ONECUT3: variants seen among roughly 807,000 people sequenced by gnomAD.
The protein encoded by ONECUT3 is one cut homeobox 3, also known as one cut domain family member 3.
Under a neutral mutation model 16.8 loss-of-function variants are expected in ONECUT3, and 11 were observed. The ratio of observed to expected loss-of-function variants is 0.66; its 90% CI spans 0.41 to 1.09. The LOEUF is 1.09. Among genes scored for constraint, ONECUT3 ranks in the 50% least tolerant of loss-of-function variants. ONECUT3 has a pLI of 0.00. For missense variants in ONECUT3, 637 were observed against 629.9 expected (o/e 1.01, Z -0.12); for synonymous variants, 344 against 310.7 (o/e 1.11, Z -1.13).
At chr19:1,769,657 A>AG (rs2068035551) in intron 1 of ONECUT3, among the ~76,000 whole-genome samples, 1 of 151,358 alleles carries the variant, frequency 6.6e-6, no homozygotes. Flanking sequence ...GGATGCACAG[A>AG]GGGGGCATCC....
intron 1 of ONECUT3, among the ~76,000 whole-genome samples, 187 bp from the exon 2 acceptor site, chr19:1,774,966 C>G (rs1202296534): frequency 6.6e-6 from 1 of 152,132 alleles, no homozygotes; most frequent in African/African-American, 2.4e-5. Flanking sequence ...TCTCCCCCTC[C>G]GCCTCTCCCT....
Position 1,775,386 on chromosome 19 carries a change from G to A in ONECUT3, c.1426G>A (p.Glu476Lys). ...RRRCMNRWAE[E>K]PSTAPGGPAG... ...CCGCTGCATGAACCGCTGGGCTGAG[G>A]AGCCCAGCACGGCCCCCGGGGGCCC... The change falls in exon 2 of 2, where the codon GAG becomes AAG. Residue 476 changes from glutamate (E) to lysine (K), a missense_variant. By Grantham distance (56) the Glu-to-Lys change is moderately conservative (BLOSUM62 1). Coordinates refer to ENST00000382349, the MANE Select transcript of ONECUT3 (RefSeq NM_001080488.2). 6.8e-7 allele frequency: 1 copy of A among 1,474,134 alleles called. No homozygotes were observed. The highest frequency in any genetic ancestry group is 1.4e-5 in the African/African-American group (1 of 70,118). 91.3% of individuals were successfully genotyped at this position (1,474,134 alleles called of 1,614,324 possible).
chr19:1,771,356 T>C (rs966634103), intron 1 of ONECUT3, among the ~76,000 whole-genome samples: 1 of 152,208 alleles, frequency 6.6e-6, no homozygotes, highest in Non-Finnish European at 1.5e-5. Context: ...CATCCTCCAG[T>C]AGCTTTCTGA....
chr19:1,777,007 C>G lies in ONECUT3; in HGVS notation c.*1562C>G, dbSNP rs886274134. 6.7e-6 allele frequency: 1 copy of G among 149,572 alleles called. No individual in the cohort carries two copies. Among genetic ancestry groups the G allele is most frequent in the Non-Finnish European group, 1.5e-5 (1 of 67,640 alleles). 9.3% of individuals were successfully genotyped at this position (149,572 alleles called of 1,614,324 possible). Reference sequence around the variant, plus strand: ...CCGCCTGCCGAGTGCCACCCCTTCCCGAACCTGAGAGCGAAAGAGAGAGAG... The same window carrying G: ...CCGCCTGCCGAGTGCCACCCCTTCCGGAACCTGAGAGCGAAAGAGAGAGAG... On this transcript the variant is annotated 3_prime_UTR_variant, in exon 2 of 2. Coordinates refer to ENST00000382349, the MANE Select transcript of ONECUT3 (RefSeq NM_001080488.2).
rs2067935866 is a variant in ONECUT3, at chr19:1,759,648, C to G, written c.1192+4794C>G. 6.6e-6 allele frequency among the ~76,000 whole-genome samples: 1 copy of G among 152,212 alleles called. No individual in the cohort carries two copies. The highest frequency in any genetic ancestry group is 2.4e-5 in the African/African-American group (1 of 41,452). ...CACGCCACTAGACAGTAGAGATAACCAAGGTTGGGGGCTTGGAGACCCGGG... is the reference window on the plus strand; with the variant it reads ...CACGCCACTAGACAGTAGAGATAACGAAGGTTGGGGGCTTGGAGACCCGGG... On this transcript the variant is annotated intron_variant, in intron 1 of 1. Coordinates refer to ENST00000382349, the MANE Select transcript of ONECUT3 (RefSeq NM_001080488.2). The surrounding 1 kb of genome is among the most constrained non-coding windows in gnomAD (Gnocchi z 4.1).
At position 1,753,883 on chromosome 19, in the gene ONECUT3, C is replaced by T; in HGVS notation, c.221C>T (p.Ala74Val). 1.0e-6 allele frequency: 1 copy of T among 979,008 alleles called. No homozygotes were observed. The highest frequency in any genetic ancestry group is 1.2e-6 in the Non-Finnish European group (1 of 827,174). The allele number at this position is 979,008 out of a possible 1,614,324, so 60.6% of individuals were successfully genotyped here. ...GGGGGCGCGGGCGGCGCGGGCAGCG[C>T]GGGCGGCGGCGCGGACTTCCGCGGG... Reference protein sequence around the residue: ...GAGGAGGAGSAGGGADFRGEL... With the variant: ...GAGGAGGAGSVGGGADFRGEL... The change falls in exon 1 of 2, where the codon GCG becomes GTG. Residue 74 changes from alanine to valine, a missense_variant. This residue lies in a region of ONECUT3 where 419 missense variants were observed against 377.9 expected (regional missense o/e 1.11). Transcript: ENST00000382349.
intron 1 of ONECUT3, among the ~76,000 whole-genome samples, chr19:1,773,162 C>A (rs889502436): frequency 6.6e-6 from 1 of 151,982 alleles, no homozygotes; most frequent in Admixed American, 6.6e-5. Flanking sequence ...TCTCTTACTC[C>A]TCTGGGAATA....
intron 1 of ONECUT3, among the ~76,000 whole-genome samples, chr19:1,768,074 G>A (rs1160036743): frequency 1.3e-5 from 2 of 152,172 alleles, no homozygotes; most frequent in African/African-American, 2.4e-5. Context: ...CAGGGTCCTG[G>A]AGGAGGTGCA....
intron 1 of ONECUT3, among the ~76,000 whole-genome samples, chr19:1,768,281 G>C (rs78385367): frequency 6.8e-4 from 103 of 152,046 alleles, no homozygotes; most frequent in East Asian, 4.7e-3. Flanking sequence ...AGGAGCTGAG[G>C]GGGGCGGGAG....
chr19:1,765,532 C>T lies in ONECUT3; in HGVS notation c.1193-9621C>T, dbSNP rs532917353. Among the ~76,000 whole-genome samples the T allele has an allele frequency of 1.4e-3, 216 of 152,234 alleles. 1 individual carries two copies. Among genetic ancestry groups the T allele is most frequent in the Non-Finnish European group, 2.5e-3 (167 of 68,042 alleles). On this transcript the variant is annotated intron_variant, in intron 1 of 1. Coordinates refer to ENST00000382349, the MANE Select transcript of ONECUT3 (RefSeq NM_001080488.2). ...GGAACAGAGTCCCAGGCAGCCGCCG[C>T]TTCACGCTGTCCTGTGACTGTGAGT...
intron 1 of ONECUT3, among the ~76,000 whole-genome samples, chr19:1,772,952 C>T (rs2068070403): frequency 6.6e-6 from 1 of 151,282 alleles, no homozygotes; most frequent in African/African-American, 2.4e-5. Flanking sequence ...ATCCGCCCGC[C>T]TCGGCCTCCC....
At position 1,775,270 on chromosome 19, in the gene ONECUT3, A is replaced by T. The variant is rs1305895226; in HGVS notation, c.1310A>T (p.Lys437Met). The T allele has an allele frequency of 6.2e-7, 1 of 1,602,358 alleles. No individual in the cohort carries two copies. Among genetic ancestry groups the T allele is most frequent in the Non-Finnish European group, 8.5e-7 (1 of 1,174,480 alleles). Residue 437 changes from lysine to methionine, a missense_variant, in exon 2 of 2, where the codon AAG (lysine) becomes ATG (methionine). Physicochemically the swap from Lys to Met is moderately conservative, Grantham distance 95. This residue lies in a region of ONECUT3 where 183 missense variants were observed against 188.3 expected (regional missense o/e 0.97). Coordinates refer to ENST00000382349, the MANE Select transcript of ONECUT3 (RefSeq NM_001080488.2). ...RTLIAIFKEN[K>M]RPSKEMQVTI... ...CTGATCGCCATCTTCAAGGAGAACA[A>T]GCGGCCGTCCAAGGAGATGCAGGTC... is the stretch of plus-strand genomic sequence containing the variant.
Position 1,777,304 on chromosome 19 carries a change from TGCAGACAACAC to T in ONECUT3, c.*1867_*1877del, listed in dbSNP as rs2068118535. On this transcript the variant is annotated 3_prime_UTR_variant, in exon 2 of 2. Transcript: ENST00000382349. ...ACAGACACACATGCAGACACACACA[TGCAGACAACAC>T]GCAGACACACACATGCAGGCACTCA... 1 of 150,202 alleles carries T rather than the reference TGCAGACAACAC, an allele frequency of 6.7e-6. No homozygotes were observed. Among genetic ancestry groups the T allele is most frequent in the Admixed American group, 6.6e-5 (1 of 15,156 alleles). The allele number at this position is 150,202 out of a possible 1,614,324, so 9.3% of individuals were successfully genotyped here. A position where few individuals can be genotyped will look rare whatever the true frequency, so the allele number is the denominator to read the frequency against.
At position 1,775,677 on chromosome 19, in the gene ONECUT3, C is replaced by G. The variant is rs1351853348; in HGVS notation, c.*232C>G. ...CACTCCCTCCAGGCCAAAGGAAGCC[C>G]TCCACCCCCCCCCGGAGGGGAGGGA... On this transcript the variant is annotated 3_prime_UTR_variant, in exon 2 of 2. Coordinates refer to ENST00000382349, the MANE Select transcript of ONECUT3 (RefSeq NM_001080488.2). 1 of 406,106 alleles carries G rather than the reference C, an allele frequency of 2.5e-6. No homozygotes were observed. The highest frequency in any genetic ancestry group is 4.3e-5 in the East Asian group (1 of 23,432). The allele number at this position is 406,106 out of a possible 1,614,324, so 25.2% of individuals were successfully genotyped here.
Position 1,754,730 on chromosome 19 carries a change from C to CT in ONECUT3, c.1069dup (p.Ser357PhefsTer119). ...TCCTGTGTCGCTCTCAGGGCACGCT[C>CT]TCCGACCTGCTGCGCAACCCCAAGC... On this transcript the variant is annotated frameshift_variant, in exon 1 of 2. Transcript: ENST00000382349. LOFTEE classifies it high-confidence loss of function. The surrounding 1 kb of genome is among the most constrained non-coding windows in gnomAD (Gnocchi z 7.4). The CT allele has an allele frequency of 6.4e-7, 1 of 1,553,956 alleles. No homozygotes were observed. The highest frequency in any genetic ancestry group is 1.2e-5 in the South Asian group (1 of 82,700).
chr19:1,756,127 G>T (rs1419348789), intron 1 of ONECUT3, among the ~76,000 whole-genome samples: 1 of 152,128 alleles, frequency 6.6e-6, no homozygotes, highest in African/African-American at 2.4e-5. Flanking sequence ...GCTGGGCGAA[G>T]AGAGGACAGC....
Position 1,758,310 on chromosome 19 carries a change from A to G in ONECUT3, c.1192+3456A>G, listed in dbSNP as rs1054926245. ...GAGAGGCAGAGAGACCAAAAAAAAA[A>G]AAAAAAGAGAGAGAGAGAGAGAGAG... On this transcript the variant is annotated intron_variant, in intron 1 of 1. Transcript: ENST00000382349. This position sits in a 1 kb window ranked among gnomAD's most constrained non-coding sequence, Gnocchi z 5.9. Among the ~76,000 whole-genome samples the G allele has an allele frequency of 4.9e-4, 57 of 117,172 alleles. No homozygotes were observed. Among genetic ancestry groups the G allele is most frequent in the Non-Finnish European group, 8.4e-4 (46 of 54,468 alleles). 76.9% of individuals were successfully genotyped at this position (117,172 alleles called of 152,430 possible). A position where few individuals can be genotyped will look rare whatever the true frequency, so the allele number is the denominator to read the frequency against.
In ONECUT3 at chr19:1,755,283, A is replaced by C. The variant is rs1211571678; in HGVS notation, c.1192+429A>C. On this transcript the variant is annotated intron_variant, in intron 1 of 1. Transcript: ENST00000382349. This position sits in a 1 kb window ranked among gnomAD's most constrained non-coding sequence, Gnocchi z 7.5. ...GGCTAAGGTGCCACTCCCCTCCTCC[A>C]GAGTGGGTGGAGAGGGGCTGTTGAG... is the stretch of plus-strand genomic sequence containing the variant. Among the ~76,000 whole-genome samples the C allele has an allele frequency of 2.0e-5, 3 of 151,982 alleles. No individual in the cohort carries two copies. The highest frequency in any genetic ancestry group is 2.9e-5 in the Non-Finnish European group (2 of 67,992).
In ONECUT3 at chr19:1,759,429, C is replaced by T. The variant is rs1340751331; in HGVS notation, c.1192+4575C>T. Among the ~76,000 whole-genome samples, 1 of 150,816 alleles carries T rather than the reference C, an allele frequency of 6.6e-6. No individual in the cohort carries two copies. The highest frequency in any genetic ancestry group is 2.4e-5 in the African/African-American group (1 of 40,884). ...GGGACAGGTGTCCACCCCCCACAAG[C>T]ACTCTGGAACCCCCACCCAAACTCT... is the stretch of plus-strand genomic sequence containing the variant. On this transcript the variant is annotated intron_variant, in intron 1 of 1. Coordinates refer to ENST00000382349, the MANE Select transcript of ONECUT3 (RefSeq NM_001080488.2). This position sits in a 1 kb window ranked among gnomAD's most constrained non-coding sequence, Gnocchi z 4.1.
Sources: allele counts gnomAD v4.1 joint callset (sites outside exome capture counted in the v4.1 genomes callset), GRCh38; gene constraint gnomAD v4.1.1; regional missense constraint gnomAD v4.1.1; non-coding constraint Gnocchi (gnomAD v3.1); transcripts MANE v1.5; gene names NCBI Gene and HGNC (gene_info 2026-07-23, HGNC 2026-07-21).